The following KCNJ6 variants were observed in gnomAD, a reference collection of about 807,000 sequenced individuals.
KCNJ6 encodes the protein G protein-activated inward rectifier potassium channel 2.
KCNJ6 carries 9 observed loss-of-function variants against 34.2 expected under a neutral mutation model. The observed-to-expected ratio is 0.26, with a 90% CI of 0.16 to 0.46. KCNJ6 has a LOEUF of 0.46. Among genes scored for constraint, KCNJ6 ranks in the 20% least tolerant of loss-of-function variants. The probability of loss-of-function intolerance (pLI) is 1.00; values close to 1 mark genes in which losing one functional copy is unlikely to be tolerated. For synonymous variants in KCNJ6, 196 were observed against 207.1 expected, an observed-to-expected ratio of 0.95 and a Z score of 0.46; for missense variants, 236 against 531.3, an observed-to-expected ratio of 0.44 and a Z score of 5.46.
rs766622814 is a variant in KCNJ6, at chr21:37,661,614, G to GTTCTTTTTTTTTTTTTTTTT, written c.947-36131_947-36130insAAAAAAAAAAAAAAAAAGAA. On this transcript the variant is annotated intron_variant, in intron 3 of 3. Transcript: ENST00000609713. ...TCCACCCATTTCCTTAAGAGACATAGTTTTTTTTTTTTTTTTTTTTTTTTT... is the reference window on the plus strand; with the variant it reads ...TCCACCCATTTCCTTAAGAGACATAGTTCTTTTTTTTTTTTTTTTTTTTTTTTTTTTTTTTTTTTTTTTTT... Among the ~76,000 whole-genome samples, 3 of 71,170 alleles carry GTTCTTTTTTTTTTTTTTTTT rather than the reference G, an allele frequency of 4.2e-5. 1 individual carries two copies. The highest frequency in any genetic ancestry group is 1.1e-4 in the African/African-American group (2 of 18,670). 46.7% of individuals were successfully genotyped at this position (71,170 alleles called of 152,430 possible).
chr21:37,701,448 C>T (rs757884947), intron 3 of KCNJ6, among the ~76,000 whole-genome samples: 3 of 152,016 alleles, frequency 2.0e-5, no homozygotes, highest in African/African-American at 4.8e-5. Context: ...TTTCTATGTG[C>T]TTAAGAGAGC....
intron 2 of KCNJ6, among the ~76,000 whole-genome samples, chr21:37,764,482 G>A (rs912344399): frequency 6.6e-6 from 1 of 151,658 alleles, no homozygotes; most frequent in South Asian, 2.1e-4. Context: ...GGGTTCAAGC[G>A]ATTCTCCTGT....
intron 2 of KCNJ6, among the ~76,000 whole-genome samples, chr21:37,761,696 G>T (rs1020450549): frequency 2.0e-5 from 3 of 151,246 alleles, no homozygotes; most frequent in Non-Finnish European, 4.4e-5. Flanking sequence ...CGTGTGTGTT[G>T]TATGTAGTGC....
intron 2 of KCNJ6, among the ~76,000 whole-genome samples, chr21:37,724,819 T>G (rs1042841497): frequency 5.9e-5 from 9 of 152,150 alleles, no homozygotes; most frequent in African/African-American, 2.2e-4. Context: ...GTGGGACAAC[T>G]GATTGCCCTC....
intron 2 of KCNJ6, among the ~76,000 whole-genome samples, chr21:37,750,354 T>C (rs2054989145): frequency 6.6e-6 from 1 of 152,158 alleles, no homozygotes; most frequent in Non-Finnish European, 1.5e-5. Context: ...AGAAATACCA[T>C]TTGACCCAGC....
chr21:37,732,788 T>C (rs1484932673), intron 2 of KCNJ6, among the ~76,000 whole-genome samples: 1 of 152,092 alleles, frequency 6.6e-6, no homozygotes. Flanking sequence ...CTGCTGTCCC[T>C]CTCCTGGGGA....
chr21:37,841,577 T>A (rs1298102068), intron 1 of KCNJ6, among the ~76,000 whole-genome samples: 2 of 152,200 alleles, frequency 1.3e-5, no homozygotes, highest in African/African-American at 4.8e-5. Flanking sequence ...ATGGTTACAT[T>A]TTGGTGACTG....
intron 3 of KCNJ6, among the ~76,000 whole-genome samples, chr21:37,657,578 G>A (rs1315260932): frequency 6.6e-6 from 1 of 152,126 alleles, no homozygotes; most frequent in Non-Finnish European, 1.5e-5. Context: ...GGTTCACTAG[G>A]ACCCCTTCCT....
At chr21:37,709,459 A>G (rs936821315) in intron 3 of KCNJ6, among the ~76,000 whole-genome samples, 3 of 152,138 alleles carry the variant, frequency 2.0e-5, no homozygotes, top group Non-Finnish European at 2.9e-5. Flanking sequence ...GGTTGCAGTG[A>G]GCCAAGATCA....
chr21:37,724,039 T>G (rs1601439077), intron 2 of KCNJ6, among the ~76,000 whole-genome samples: 2 of 151,878 alleles, frequency 1.3e-5, no homozygotes, highest in African/African-American at 4.8e-5. Flanking sequence ...GTATGCGGTG[T>G]GCGTGGAGGA....
chr21:37,783,529 T>A (rs2055179445), intron 2 of KCNJ6, among the ~76,000 whole-genome samples: 2 of 152,290 alleles, frequency 1.3e-5, no homozygotes, highest in South Asian at 4.1e-4. Context: ...CACATGGAAC[T>A]GTAACTCCAA....
chr21:37,755,713 C>A (rs1303872058), intron 2 of KCNJ6, among the ~76,000 whole-genome samples: 1 of 152,214 alleles, frequency 6.6e-6, no homozygotes, highest in African/African-American at 2.4e-5. Flanking sequence ...CTGACCCTAT[C>A]ATGAGAAGCC....
intron 3 of KCNJ6, among the ~76,000 whole-genome samples, chr21:37,689,023 A>G (rs1244311844): frequency 2.6e-5 from 4 of 152,264 alleles, no homozygotes; most frequent in Admixed American, 2.6e-4. Context: ...ATAAATCACC[A>G]TATATCGTTG....
chr21:37,759,449 T>G (rs927033571), intron 2 of KCNJ6, among the ~76,000 whole-genome samples: 1 of 152,160 alleles, frequency 6.6e-6, no homozygotes, highest in African/African-American at 2.4e-5. Flanking sequence ...CCTTTCTCAC[T>G]GGGCTGCAGG....
In KCNJ6 at chr21:37,620,466, T is replaced by TA. The variant is rs1204424486; in HGVS notation, c.*4692_*4693insT. The TA allele has an allele frequency of 3.3e-5, 5 of 152,208 alleles. No individual in the cohort carries two copies. The highest frequency in any genetic ancestry group is 7.3e-5 in the Non-Finnish European group (5 of 68,042). The allele number at this position is 152,208 out of a possible 1,614,324, so 9.4% of individuals were successfully genotyped here. ...GTCTCAAAATATTCTTCTTTTCTTT[T>TA]TTTTCCCCCAATTATTAAAAAATGT... is the stretch of plus-strand genomic sequence containing the variant. On this transcript the variant is annotated 3_prime_UTR_variant, in exon 4 of 4. Coordinates refer to ENST00000609713, the MANE Select transcript of KCNJ6 (RefSeq NM_002240.5).
intron 3 of KCNJ6, among the ~76,000 whole-genome samples, chr21:37,694,510 T>C (rs1338132898): frequency 1.3e-5 from 2 of 152,206 alleles, no homozygotes; most frequent in Non-Finnish European, 2.9e-5. Flanking sequence ...TTGATCAAGC[T>C]ACATGTGTGG....
chr21:37,782,538 C>A (rs925831043), intron 2 of KCNJ6, among the ~76,000 whole-genome samples: 1 of 152,184 alleles, frequency 6.6e-6, no homozygotes, highest in South Asian at 2.1e-4. Context: ...GGGGCTGGTT[C>A]CCCCGTGTGG....
chr21:37,703,627 C>A (rs1289930570), intron 3 of KCNJ6, among the ~76,000 whole-genome samples: 1 of 152,118 alleles, frequency 6.6e-6, no homozygotes, highest in African/African-American at 2.4e-5. Context: ...ACAGGTACCC[C>A]CTGAAGGCAA....
At chr21:37,633,885 A>C (rs899620835) in intron 3 of KCNJ6, among the ~76,000 whole-genome samples, 1 of 152,006 alleles carries the variant, frequency 6.6e-6, no homozygotes. Context: ...TTCCCAAGTT[A>C]CTTTATAGAT....
Sources: allele counts gnomAD v4.1 joint callset (sites outside exome capture counted in the v4.1 genomes callset), GRCh38; gene constraint gnomAD v4.1.1; transcripts MANE v1.5; gene names NCBI Gene and HGNC (gene_info 2026-07-23, HGNC 2026-07-21).